Variants in PIP5K1B observed in about 807,000 individuals in gnomAD.
PIP5K1B encodes phosphatidylinositol 4-phosphate 5-kinase type-1 beta.
A neutral mutation model predicts 67.0 loss-of-function variants in PIP5K1B; 42 were observed. The ratio of observed to expected loss-of-function variants is 0.63; its 90% CI spans 0.49 to 0.81. The LOEUF is 0.81. Among genes scored for constraint, PIP5K1B ranks in the 30% least tolerant of loss-of-function variants. PIP5K1B has a pLI of 0.00. For missense variants in PIP5K1B, 459 were observed against 646.3 expected (o/e 0.71, Z 3.14); for synonymous variants, 214 against 231.4 (o/e 0.92, Z 0.68).
chr9:68,884,665 TA>T (rs71353087), intron 6 of PIP5K1B, among the ~76,000 whole-genome samples: 59,640 of 133,394 alleles, frequency 0.45, 12,655 homozygotes, highest in South Asian at 0.52. Context: ...ACCTTGTCTT[TA>T]AAAAAAAAAA....
chr9:68,723,701 T>G (rs1368153034), intron 1 of PIP5K1B, among the ~76,000 whole-genome samples: 2 of 147,670 alleles, frequency 1.4e-5, no homozygotes, highest in Admixed American at 6.7e-5. Flanking sequence ...TTTGGTTTTT[T>G]TTTTTTTTTT....
intron 1 of PIP5K1B, among the ~76,000 whole-genome samples, chr9:68,719,396 T>A (rs1441936544): frequency 6.6e-6 from 1 of 152,206 alleles, no homozygotes; most frequent in Non-Finnish European, 1.5e-5. Flanking sequence ...TTTCCTGATT[T>A]CCATCTTCCA....
intron 15 of PIP5K1B, among the ~76,000 whole-genome samples, chr9:69,007,070 C>T (rs997636285): frequency 3.9e-5 from 6 of 152,138 alleles, no homozygotes; most frequent in South Asian, 2.1e-4. Context: ...TGAGTAACAG[C>T]GTGACCATGT....
intron 5 of PIP5K1B, 58 bp downstream of exon 5, chr9:68,864,025 C>T: frequency 1.3e-6 from 2 of 1,550,904 alleles, no homozygotes; most frequent in Non-Finnish European, 1.8e-6. Flanking sequence ...TTGTGACAAC[C>T]CCATATTGAA....
At chr9:68,923,212 C>CT in intron 11 of PIP5K1B, 90 bp from the exon 12 acceptor site, 1 of 783,248 alleles carries the variant, frequency 1.3e-6, no homozygotes, top group South Asian at 1.5e-5. Context: ...AGAATGTTGG[C>CT]TAACAGAGAA....
At chr9:68,824,472 A>T (rs989646458) in intron 4 of PIP5K1B, among the ~76,000 whole-genome samples, 3 of 152,360 alleles carry the variant, frequency 2.0e-5, no homozygotes, top group South Asian at 4.1e-4. Flanking sequence ...TAAAAATCAA[A>T]TTCTATGGTA....
intron 2 of PIP5K1B, among the ~76,000 whole-genome samples, chr9:68,742,965 A>G (rs1190255899): frequency 1.3e-5 from 2 of 152,224 alleles, no homozygotes; most frequent in South Asian, 2.1e-4. Context: ...AGATTTAATT[A>G]TAGTATTCAC....
At chr9:68,970,591 G>A (rs1001598528) in intron 14 of PIP5K1B, among the ~76,000 whole-genome samples, 2 of 152,150 alleles carry the variant, frequency 1.3e-5, no homozygotes, top group Non-Finnish European at 2.9e-5. Context: ...ACTATATATC[G>A]TATTCCATAC....
intron 15 of PIP5K1B, among the ~76,000 whole-genome samples, chr9:69,006,462 G>T (rs78667594): frequency 0.017 from 2,610 of 152,274 alleles, 35 homozygotes; most frequent in South Asian, 0.037. Context: ...CCGACCCCAG[G>T]ATCACAGCAT....
intron 1 of PIP5K1B, among the ~76,000 whole-genome samples, chr9:68,712,304 A>C (rs1250779662): frequency 6.6e-6 from 1 of 152,230 alleles, no homozygotes; most frequent in Admixed American, 6.5e-5. Context: ...AGATGCTGGC[A>C]CTGTGCCTTA....
At chr9:68,817,662 A>G (rs1833512382) in intron 2 of PIP5K1B, among the ~76,000 whole-genome samples, 1 of 152,048 alleles carries the variant, frequency 6.6e-6, no homozygotes, top group East Asian at 1.9e-4. Flanking sequence ...TATAAAACAA[A>G]CAGACTGTTT....
At chr9:68,739,060 T>G (rs535262839) in intron 1 of PIP5K1B, among the ~76,000 whole-genome samples, 2 of 152,254 alleles carry the variant, frequency 1.3e-5, no homozygotes, top group African/African-American at 4.8e-5. Context: ...CTGGCCACCG[T>G]TGGCATTTGA....
intron 6 of PIP5K1B, among the ~76,000 whole-genome samples, chr9:68,878,085 T>G (rs540496551): frequency 2.2e-4 from 33 of 151,918 alleles, no homozygotes; most frequent in African/African-American, 8.0e-4. Flanking sequence ...CTAGCCATTC[T>G]GTAATTACTG....
intron 15 of PIP5K1B, among the ~76,000 whole-genome samples, chr9:68,991,771 AC>A (rs1184848754): frequency 6.6e-6 from 1 of 152,102 alleles, no homozygotes; most frequent in Non-Finnish European, 1.5e-5. Context: ...AATAATGCCC[AC>A]CCTGCCTACC....
chr9:68,722,461 C>T (rs901086667), intron 1 of PIP5K1B, among the ~76,000 whole-genome samples: 7 of 152,028 alleles, frequency 4.6e-5, no homozygotes, highest in African/African-American at 7.2e-5. Context: ...GTGTTCCGCC[C>T]GCCTCGGCCT....
chr9:68,961,725 G>A (rs950500293), intron 14 of PIP5K1B, among the ~76,000 whole-genome samples: 6 of 152,166 alleles, frequency 3.9e-5, no homozygotes, highest in African/African-American at 1.4e-4. Context: ...AATCTGGCAG[G>A]CTAGTACCCT....
At chr9:68,967,638 T>G (rs982029815) in intron 14 of PIP5K1B, among the ~76,000 whole-genome samples, 1 of 152,120 alleles carries the variant, frequency 6.6e-6, no homozygotes, top group Non-Finnish European at 1.5e-5. Context: ...TGCTACAGGG[T>G]GAGAATCCAG....
At chr9:68,863,276 T>G (rs1823193409) in intron 4 of PIP5K1B, among the ~76,000 whole-genome samples, 2 of 152,212 alleles carry the variant, frequency 1.3e-5, no homozygotes, top group African/African-American at 4.8e-5. Flanking sequence ...TAGCACTACA[T>G]TAGGCAGTGC....
chr9:68,966,274 C>A (rs1829027180), intron 14 of PIP5K1B, among the ~76,000 whole-genome samples: 1 of 152,154 alleles, frequency 6.6e-6, no homozygotes, highest in South Asian at 2.1e-4. Flanking sequence ...AACACCCCAT[C>A]CCTTAAGCGT....
Sources: allele counts gnomAD v4.1 joint callset (sites outside exome capture counted in the v4.1 genomes callset), GRCh38; gene constraint gnomAD v4.1.1; transcripts MANE v1.5; gene names NCBI Gene and HGNC (gene_info 2026-07-23, HGNC 2026-07-21).